Variants in GRM5 observed in about 807,000 individuals in gnomAD.
GRM5 encodes the protein metabotropic glutamate receptor 5.
A neutral mutation model predicts 83.1 loss-of-function variants in GRM5; 19 were observed. That is an observed-to-expected ratio of 0.23 (90% CI 0.16 to 0.34). GRM5 has a LOEUF of 0.34. Ranked by LOEUF, GRM5 falls within the 10% of genes least tolerant of loss-of-function variation. The pLI is 1.00. For missense variants in GRM5, 1,160 were observed against 1,588.3 expected (o/e 0.73, Z 4.58); for synonymous variants, 675 against 633.6 (o/e 1.07, Z -0.98).
rs200280570 is a variant in GRM5 at position 88,907,834 on chromosome 11, CAT to C, written c.662-57681_662-57680del. Among the ~76,000 whole-genome samples the C allele has an allele frequency of 7.9e-5, 12 of 152,154 alleles. No individual in the cohort carries two copies. In the East Asian group the frequency reaches 9.6e-4, roughly 12 times the overall value. ...AGATTTAAATAAAATTGTTTATTCT[CAT>C]ATATATATTTATAGAATCTCATAGC... On this transcript the variant is annotated intron_variant, in intron 2 of 9. Transcript: ENST00000305447.
chr11:88,509,447 G>C lies in GRM5; in HGVS notation c.2784C>G (p.His928Gln), dbSNP rs747666494. Residue 928 changes from histidine to glutamine, a missense_variant, in exon 10 of 10, where the codon CAC becomes CAG. Physicochemically the swap from His to Gln is conservative, Grantham distance 24. Around this residue, in one of 9 missense-constraint regions of GRM5, gnomAD observed 562 missense variants for 532.4 expected, o/e 1.06. Coordinates refer to ENST00000305447, the MANE Select transcript of GRM5 (RefSeq NM_001143831.3). ...AQNEKSSRGQ[H>Q]LWQRLSIHIN... ...TGTGGATGGACAGGCGCTGCCACAG[G>C]TGCTGCCCCCGGCTGCTCTTCTCAT... 5 of 1,612,594 alleles carry C rather than the reference G, an allele frequency of 3.1e-6. No homozygotes were observed. In the South Asian group the frequency reaches 4.4e-5, roughly 14 times the overall value.
At chr11:88,628,340 G>T (rs1938863767) in intron 4 of GRM5, among the ~76,000 whole-genome samples, 1 of 152,142 alleles carries the variant, frequency 6.6e-6, no homozygotes, top group Non-Finnish European at 1.5e-5. Context: ...CTTAAAACCA[G>T]TTCAGAATCT....
chr11:88,750,162 G>A (rs1218847457), intron 3 of GRM5, among the ~76,000 whole-genome samples: 1 of 152,072 alleles, frequency 6.6e-6, no homozygotes, highest in Non-Finnish European at 1.5e-5. Flanking sequence ...GAAGAGCCAA[G>A]ACCCATTGTA....
intron 3 of GRM5, among the ~76,000 whole-genome samples, chr11:88,723,199 A>G (rs1941588147): frequency 1.3e-5 from 2 of 150,902 alleles, no homozygotes; most frequent in South Asian, 4.2e-4. Context: ...ATGATTTTTC[A>G]TAGCTTGATA....
Position 89,065,891 on chromosome 11 carries a change from T to TA in GRM5, c.-317_-316insT, listed in dbSNP as rs999250835. The TA allele has an allele frequency of 4.3e-4, 65 of 152,064 alleles. No homozygotes were observed. The highest frequency in any genetic ancestry group is 1.6e-3 in the African/African-American group (65 of 41,426). 9.4% of individuals were successfully genotyped at this position (152,064 alleles called of 1,614,324 possible). A position where few individuals can be genotyped will look rare whatever the true frequency, so the allele number is the denominator to read the frequency against. On this transcript the variant is annotated 5_prime_UTR_variant, in exon 1 of 10. Coordinates refer to ENST00000305447, the MANE Select transcript of GRM5 (RefSeq NM_001143831.3). ...CTAGTGTCGGCGATGGAGGCAGCGG[T>TA]GACAGCAGGCAGAACGGCTGCGGGG...
chr11:88,632,125 C>T (rs566053289), intron 4 of GRM5, among the ~76,000 whole-genome samples: 21 of 152,164 alleles, frequency 1.4e-4, no homozygotes, highest in East Asian at 3.9e-4. Context: ...ACGTTCCTCC[C>T]GCACCTTTGT....
intron 3 of GRM5, among the ~76,000 whole-genome samples, chr11:88,811,195 C>T (rs968962393): frequency 3.3e-5 from 5 of 151,986 alleles, no homozygotes; most frequent in African/African-American, 1.2e-4. Context: ...ATACGTGTTT[C>T]CAGCAGGACA....
chr11:88,587,486 T>A (rs1216837848), intron 7 of GRM5, among the ~76,000 whole-genome samples: 1 of 152,088 alleles, frequency 6.6e-6, no homozygotes, highest in African/African-American at 2.4e-5. Flanking sequence ...GGACATTTTG[T>A]ATGTCATATT....
intron 3 of GRM5, among the ~76,000 whole-genome samples, chr11:88,764,592 T>A (rs72643318): frequency 0.12 from 12,540 of 104,724 alleles, 930 homozygotes; most frequent in African/African-American, 0.22. Flanking sequence ...TAAATAACCA[T>A]TCTTAGACAA....
intron 8 of GRM5, among the ~76,000 whole-genome samples, chr11:88,541,217 A>G (rs1051952754): frequency 6.6e-6 from 1 of 152,198 alleles, no homozygotes; most frequent in Admixed American, 6.6e-5. Flanking sequence ...CTATCACAAT[A>G]AAGGAAAGTG....
At chr11:88,563,564 A>C (rs1023076470) in intron 8 of GRM5, among the ~76,000 whole-genome samples, 1 of 152,146 alleles carries the variant, frequency 6.6e-6, no homozygotes, top group African/African-American at 2.4e-5. Context: ...CACCTGACAG[A>C]GGACAGCAGA....
chr11:88,701,386 C>G (rs1340383185), intron 3 of GRM5, among the ~76,000 whole-genome samples: 1 of 152,070 alleles, frequency 6.6e-6, no homozygotes, highest in Admixed American at 6.6e-5. Flanking sequence ...CATTCTGGGT[C>G]ACAATTAGAT....
chr11:88,972,660 C>T (rs950739318), intron 2 of GRM5, among the ~76,000 whole-genome samples: 1 of 152,058 alleles, frequency 6.6e-6, no homozygotes, highest in Non-Finnish European at 1.5e-5. Flanking sequence ...AGGCAGAATT[C>T]ATCAATGAAT....
intron 3 of GRM5, among the ~76,000 whole-genome samples, chr11:88,761,515 AAGG>A (rs1362366366): frequency 1.5e-4 from 23 of 152,216 alleles, no homozygotes; most frequent in African/African-American, 5.1e-4. Flanking sequence ...AGATCTCTAC[AAGG>A]AGAATTACAA....
intron 3 of GRM5, among the ~76,000 whole-genome samples, chr11:88,828,212 CAT>C (rs1414214860): frequency 6.6e-6 from 1 of 152,106 alleles, no homozygotes; most frequent in East Asian, 1.9e-4. Flanking sequence ...AATCTGGTAA[CAT>C]AGTGTAAGAC....
intron 2 of GRM5, among the ~76,000 whole-genome samples, chr11:89,036,183 T>C (rs953997898): frequency 6.6e-6 from 1 of 152,096 alleles, no homozygotes; most frequent in African/African-American, 2.4e-5. Context: ...GTCCAGGCCT[T>C]GCTCATCTTA....
At chr11:88,646,220 GA>G (rs1283550835) in intron 4 of GRM5, among the ~76,000 whole-genome samples, 2 of 152,012 alleles carry the variant, frequency 1.3e-5, no homozygotes, top group African/African-American at 4.8e-5. Context: ...TAGTTATTAG[GA>G]AACAGTTTTA....
intron 8 of GRM5, among the ~76,000 whole-genome samples, chr11:88,543,374 G>T (rs1374401524): frequency 6.6e-6 from 1 of 152,092 alleles, no homozygotes; most frequent in Non-Finnish European, 1.5e-5. Flanking sequence ...GAAACAAATG[G>T]GTGCAAGCTG....
chr11:88,983,385 ATGTT>A (rs1437384826), intron 2 of GRM5, among the ~76,000 whole-genome samples: 2 of 152,198 alleles, frequency 1.3e-5, no homozygotes, highest in Non-Finnish European at 2.9e-5. Context: ...TATTGCCAGA[ATGTT>A]TTGGTCAACA....
Sources: gnomAD v4.1 joint callset for allele counts (sites outside exome capture counted in the v4.1 genomes callset) on GRCh38, gnomAD v4.1.1 for gene constraint, gnomAD v4.1.1 regional missense constraint, MANE v1.5 for transcripts, NCBI Gene and HGNC (gene_info 2026-07-23, HGNC 2026-07-21) for gene names.